NTM: variants seen among roughly 807,000 people sequenced by gnomAD.
The protein encoded by NTM is IgLON family member 2.
Under a neutral mutation model 42.1 loss-of-function variants are expected in NTM, and 13 were observed. That is an observed-to-expected ratio of 0.31 (90% CI 0.20 to 0.49). The LOEUF (loss-of-function observed/expected upper bound fraction) is 0.49, where lower values mean the gene tolerates loss of function less well. NTM is among the 20% of genes least tolerant of loss of function. The probability of loss-of-function intolerance (pLI) is 0.99; values close to 1 mark genes in which losing one functional copy is unlikely to be tolerated. For missense variants in NTM, 373 were observed against 452.8 expected (o/e 0.82, Z 1.60); for synonymous variants, 187 against 179.2 (o/e 1.04, Z -0.35).
chr11:132,125,061 A>G (rs1002758633), intron 2 of NTM, among the ~76,000 whole-genome samples: 4 of 152,084 alleles, frequency 2.6e-5, no homozygotes, highest in African/African-American at 4.8e-5. Flanking sequence ...CTAGAGCACA[A>G]CCTTCCCAGA....
chr11:131,490,866 T>A (rs1954700770), intron 1 of NTM, among the ~76,000 whole-genome samples: 1 of 152,240 alleles, frequency 6.6e-6, no homozygotes, highest in South Asian at 2.1e-4. Context: ...AGTTTGCATT[T>A]AATCAAATGT....
At chr11:131,970,327 C>T (rs2063371463) in intron 2 of NTM, among the ~76,000 whole-genome samples, 1 of 152,182 alleles carries the variant, frequency 6.6e-6, no homozygotes, top group South Asian at 2.1e-4. Flanking sequence ...CATGTTCTAC[C>T]TGCCAGTGGG....
At chr11:131,794,569 G>C (rs1565560608) in intron 1 of NTM, 2 of 985,238 alleles carry the variant, frequency 2.0e-6, no homozygotes, top group Non-Finnish European at 2.4e-6. Context: ...AGTTCTACAA[G>C]TGCTTGAATA....
chr11:131,942,188 A>G (rs1158870115), intron 2 of NTM, among the ~76,000 whole-genome samples: 1 of 152,220 alleles, frequency 6.6e-6, no homozygotes, highest in African/African-American at 2.4e-5. Flanking sequence ...ATGCAAAAGC[A>G]GAGAGAGAGT....
At chr11:131,726,776 C>T (rs1381975671) in intron 1 of NTM, among the ~76,000 whole-genome samples, 1 of 151,262 alleles carries the variant, frequency 6.6e-6, no homozygotes, top group East Asian at 1.9e-4. Context: ...TGCAGTGGTG[C>T]AATCACAGCT....
intron 4 of NTM, among the ~76,000 whole-genome samples, chr11:132,247,373 G>T (rs1208796047): frequency 6.6e-6 from 1 of 152,302 alleles, no homozygotes; most frequent in South Asian, 2.1e-4. Flanking sequence ...TTAGGCCTCT[G>T]TTTTTACATC....
intron 2 of NTM, among the ~76,000 whole-genome samples, chr11:132,054,929 A>G (rs560616673): frequency 6.2e-4 from 94 of 152,316 alleles, no homozygotes; most frequent in African/African-American, 2.0e-3. Context: ...AGAATGAATT[A>G]TCTGTGGTTA....
At position 131,804,687 on chromosome 11, in the gene NTM, C is replaced by T. The variant is rs117993635; in HGVS notation, c.83-106877C>T. Among the ~76,000 whole-genome samples the T allele has an allele frequency of 2.8e-3, 429 of 152,264 alleles. 1 individual carries two copies. The highest frequency in any genetic ancestry group is 4.4e-3 in the Admixed American group (68 of 15,300). ...CATCAGCCATTCCCTTCCTTGTACC[C>T]CCAGGCCGCATACTATGTCTCTATT... On this transcript the variant is annotated intron_variant, in intron 1 of 8. Transcript: ENST00000683400.
intron 2 of NTM, among the ~76,000 whole-genome samples, chr11:132,067,353 A>C (rs2056675753): frequency 6.6e-6 from 1 of 152,184 alleles, no homozygotes; most frequent in Non-Finnish European, 1.5e-5. Flanking sequence ...CCATACCAAC[A>C]TACTGCCAAA....
At chr11:131,771,379 T>C (rs1004852839) in intron 1 of NTM, 1 of 152,212 alleles carries the variant, frequency 6.6e-6, no homozygotes. Flanking sequence ...TTAGTCATAA[T>C]TGTCACAGAA....
chr11:131,448,394 A>G (rs1231819657), intron 1 of NTM, among the ~76,000 whole-genome samples: 1 of 152,238 alleles, frequency 6.6e-6, no homozygotes, highest in East Asian at 1.9e-4. Flanking sequence ...CCTCCTGTCC[A>G]ACATGATGCA....
At chr11:131,727,107 A>G (rs1183079305) in intron 1 of NTM, among the ~76,000 whole-genome samples, 1 of 151,244 alleles carries the variant, frequency 6.6e-6, no homozygotes, top group East Asian at 1.9e-4. Context: ...TTCTTCCTCC[A>G]GTCCATGCCT....
intron 1 of NTM, among the ~76,000 whole-genome samples, chr11:131,476,419 G>A (rs11222665): frequency 0.099 from 15,027 of 152,190 alleles, 1,953 homozygotes; most frequent in African/African-American, 0.29. Context: ...CTCCCTGCTC[G>A]TCTAGACTGC....
At chr11:132,094,671 C>A (rs1201439157) in intron 2 of NTM, among the ~76,000 whole-genome samples, 2 of 152,140 alleles carry the variant, frequency 1.3e-5, no homozygotes, top group Non-Finnish European at 1.5e-5. Context: ...AGCAGAGGAG[C>A]AGCAGGCTTT....
intron 4 of NTM, among the ~76,000 whole-genome samples, chr11:132,258,392 A>G (rs1217167862): frequency 1.3e-5 from 2 of 151,914 alleles, no homozygotes; most frequent in South Asian, 2.1e-4. Flanking sequence ...GATTTTTCCT[A>G]TAGTCTTCTA....
chr11:131,397,933 A>C (rs1345025981), intron 1 of NTM, among the ~76,000 whole-genome samples: 3 of 152,330 alleles, frequency 2.0e-5, no homozygotes, highest in African/African-American at 7.2e-5. Context: ...AATCTGCTTG[A>C]CAATTATGTC....
intron 1 of NTM, among the ~76,000 whole-genome samples, chr11:131,820,769 A>AT (rs1225400796): frequency 2.0e-5 from 3 of 152,194 alleles, no homozygotes; most frequent in Admixed American, 6.5e-5. Context: ...GTTTCGTGAC[A>AT]TTTTTTCACT....
At chr11:131,616,526 C>T (rs10894424) in intron 1 of NTM, among the ~76,000 whole-genome samples, 46,223 of 152,056 alleles carry the variant, frequency 0.3, 8,144 homozygotes, top group South Asian at 0.43. Context: ...CTCAGGGAAA[C>T]GTCTGCAAGG....
intron 1 of NTM, among the ~76,000 whole-genome samples, chr11:131,768,316 C>T (rs1830250): frequency 0.28 from 42,835 of 151,746 alleles, 6,557 homozygotes; most frequent in East Asian, 0.4. Flanking sequence ...CGGGGTTTCT[C>T]CATGTTGGTC....
Sources: gnomAD v4.1 joint callset for allele counts (sites outside exome capture counted in the v4.1 genomes callset) on GRCh38, gnomAD v4.1.1 for gene constraint, MANE v1.5 for transcripts, NCBI Gene and HGNC (gene_info 2026-07-23, HGNC 2026-07-21) for gene names.